DOCK2: variants seen among roughly 807,000 people sequenced by gnomAD.
DOCK2 encodes dedicator of cytokinesis 2, also known as dedicator of cytokinesis protein 2.
In DOCK2, 87 loss-of-function variants were observed where a neutral mutation model predicts 248.9. The observed-to-expected ratio is 0.35, with a 90% CI of 0.29 to 0.42. DOCK2 has a LOEUF of 0.42. Ranked by LOEUF, DOCK2 falls within the 10% of genes least tolerant of loss-of-function variation. DOCK2 has a pLI of 1.00. For synonymous variants in DOCK2, 805 were observed against 821.6 expected, an observed-to-expected ratio of 0.98 and a Z score of 0.35; for missense variants, 1,747 against 2,300.2, an observed-to-expected ratio of 0.76 and a Z score of 4.92.
intron 27 of DOCK2, among the ~76,000 whole-genome samples, chr5:169,854,947 G>A (rs1290590857): frequency 3.9e-5 from 6 of 152,174 alleles, no homozygotes; most frequent in Non-Finnish European, 5.9e-5. Flanking sequence ...GTAGCAACGG[G>A]GGATGACCAG....
intron 1 of DOCK2, among the ~76,000 whole-genome samples, 197 bp from the exon 2 acceptor site, chr5:169,654,206 T>C (rs1447566515): frequency 6.6e-6 from 1 of 152,170 alleles, no homozygotes; most frequent in Non-Finnish European, 1.5e-5. Context: ...AGGTCAACTT[T>C]GGTTAATAGA....
chr5:169,900,290 A>C (rs1208497871), intron 27 of DOCK2, among the ~76,000 whole-genome samples: 1 of 152,162 alleles, frequency 6.6e-6, no homozygotes, highest in Admixed American at 6.5e-5. Flanking sequence ...CCCCTGATGG[A>C]GGGGACATCT....
At chr5:169,928,811 G>A (rs1333979342) in intron 27 of DOCK2, among the ~76,000 whole-genome samples, 1 of 152,194 alleles carries the variant, frequency 6.6e-6, no homozygotes, top group African/African-American at 2.4e-5. Flanking sequence ...ATGTTATTAG[G>A]TTAAATACTA....
chr5:169,793,372 A>G (rs975203452), intron 25 of DOCK2, among the ~76,000 whole-genome samples: 1 of 152,204 alleles, frequency 6.6e-6, no homozygotes, highest in African/African-American at 2.4e-5. Flanking sequence ...TGTTATAGTA[A>G]GGAAGCAGGA....
intron 26 of DOCK2, among the ~76,000 whole-genome samples, chr5:169,804,196 C>T (rs1317066493): frequency 1.3e-5 from 2 of 152,298 alleles, no homozygotes; most frequent in East Asian, 3.9e-4. Context: ...CCATAGTCAA[C>T]CATTATGATC....
At chr5:170,045,706 G>A (rs905016388) in intron 38 of DOCK2, 110 bp from the exon 39 acceptor site, 8 of 1,094,166 alleles carry the variant, frequency 7.3e-6, no homozygotes, top group Middle Eastern at 4.8e-4. Flanking sequence ...GTCAGAGCAA[G>A]GTTTCCCCTC....
chr5:169,862,346 T>C (rs1289522709), intron 27 of DOCK2, among the ~76,000 whole-genome samples: 1 of 152,236 alleles, frequency 6.6e-6, no homozygotes, highest in Non-Finnish European at 1.5e-5. Flanking sequence ...AGAATATAAA[T>C]TCACATGAAA....
chr5:170,067,936 A>G (rs1418796568), intron 45 of DOCK2, among the ~76,000 whole-genome samples: 1 of 152,138 alleles, frequency 6.6e-6, no homozygotes, highest in Non-Finnish European at 1.5e-5. Context: ...CAGGGGTCAT[A>G]AGGTCCCCTT....
chr5:169,730,414 T>C (rs934400038), intron 22 of DOCK2, among the ~76,000 whole-genome samples: 2 of 152,024 alleles, frequency 1.3e-5, no homozygotes, highest in African/African-American at 4.8e-5. Flanking sequence ...AAGGTGAGCA[T>C]AGGGGAGAAC....
intron 19 of DOCK2, among the ~76,000 whole-genome samples, chr5:169,715,122 G>T (rs1212901365): frequency 6.6e-6 from 1 of 152,088 alleles, no homozygotes; most frequent in African/African-American, 2.4e-5. Context: ...CATTTTAAGT[G>T]AAATAAGCAG....
chr5:169,916,941 A>G (rs1287185171), intron 27 of DOCK2, among the ~76,000 whole-genome samples: 2 of 152,220 alleles, frequency 1.3e-5, no homozygotes, highest in African/African-American at 4.8e-5. Flanking sequence ...TATGCTGTAA[A>G]GAAATGCAAA....
intron 18 of DOCK2, 47 bp downstream of exon 18, chr5:169,714,258 GTGTGTGTGTACA>G (rs1561628578): frequency 4.4e-6 from 7 of 1,600,320 alleles, no homozygotes; most frequent in African/African-American, 1.3e-5. Flanking sequence ...GTGTGTGTCC[GTGTGTGTGTACA>G]TGTGTGTATG....
chr5:169,760,244 T>C (rs1279409686), intron 24 of DOCK2, among the ~76,000 whole-genome samples: 1 of 151,922 alleles, frequency 6.6e-6, no homozygotes, highest in East Asian at 1.9e-4. Context: ...GCTGTTGGAA[T>C]AGGGGCATTT....
intron 27 of DOCK2, among the ~76,000 whole-genome samples, chr5:169,938,427 T>C (rs768236870): frequency 6.6e-6 from 1 of 152,212 alleles, no homozygotes; most frequent in Non-Finnish European, 1.5e-5. Context: ...GTAGAGCCTA[T>C]TGCTCCTACG....
intron 27 of DOCK2, among the ~76,000 whole-genome samples, chr5:169,923,486 CACACACA>C (rs1775284383): frequency 5.4e-5 from 1 of 18,654 alleles, no homozygotes; most frequent in Non-Finnish European, 9.4e-5. Flanking sequence ...CACGTGGGCA[CACACACA>C]CACACACACA....
intron 23 of DOCK2, among the ~76,000 whole-genome samples, chr5:169,749,456 A>G (rs1050157887): frequency 6.6e-6 from 1 of 152,126 alleles, no homozygotes. Flanking sequence ...TGAAAACACA[A>G]TGATTAGTGT....
chr5:169,707,207 G>A (rs1360009641), intron 14 of DOCK2, among the ~76,000 whole-genome samples: 1 of 152,180 alleles, frequency 6.6e-6, no homozygotes, highest in Non-Finnish European at 1.5e-5. Flanking sequence ...AGGCATTGTT[G>A]TATGTGACCA....
At chr5:169,777,802 C>T (rs1475891720) in intron 25 of DOCK2, among the ~76,000 whole-genome samples, 2 of 152,196 alleles carry the variant, frequency 1.3e-5, no homozygotes, top group African/African-American at 2.4e-5. Context: ...AGCCAAGTTT[C>T]ATCATTAATA....
At chr5:169,891,155 T>C (rs1291172141) in intron 27 of DOCK2, among the ~76,000 whole-genome samples, 2 of 152,150 alleles carry the variant, frequency 1.3e-5, no homozygotes, top group African/African-American at 4.8e-5. Context: ...TTCATTCTCA[T>C]CATCTGGCTT....
Sources: gnomAD v4.1 joint callset for allele counts (sites outside exome capture counted in the v4.1 genomes callset) on GRCh38, gnomAD v4.1.1 for gene constraint, MANE v1.5 for transcripts, NCBI Gene and HGNC (gene_info 2026-07-23, HGNC 2026-07-21) for gene names.